RBM45: variants seen among roughly 807,000 people sequenced by gnomAD.
RBM45 encodes the protein RNA binding motif protein 45, also known as RNA-binding protein 45.
A neutral mutation model predicts 58.5 loss-of-function variants in RBM45; 39 were observed. The observed-to-expected ratio is 0.67, with a 90% CI of 0.52 to 0.87. The LOEUF (loss-of-function observed/expected upper bound fraction) is 0.87, where lower values mean the gene tolerates loss of function less well. RBM45 is among the 40% of genes least tolerant of loss of function. The probability of loss-of-function intolerance (pLI) is 0.00; values close to 1 mark genes in which losing one functional copy is unlikely to be tolerated. For missense variants in RBM45, 481 were observed against 581.6 expected, an observed-to-expected ratio of 0.83 and a Z score of 1.78; for synonymous variants, 193 against 203.0, an observed-to-expected ratio of 0.95 and a Z score of 0.42.
At position 178,120,071 on chromosome 2, in the gene RBM45, G is replaced by A. The variant is rs573642336; in HGVS notation, c.551-216G>A. Among the ~76,000 whole-genome samples, 4 of 152,288 alleles carry A rather than the reference G, an allele frequency of 2.6e-5. No individual in the cohort carries two copies. The East Asian group carries it at 5.8e-4, about 22-fold the overall frequency. Reference sequence around the variant, plus strand: ...TAGCATAGAATTGCTGATCTTTCATGTCTACATTGACCCGTAATTTGGGAT... The same window carrying A: ...TAGCATAGAATTGCTGATCTTTCATATCTACATTGACCCGTAATTTGGGAT... On this transcript the variant is annotated intron_variant, in intron 3 of 9. Coordinates refer to ENST00000286070, the MANE Select transcript of RBM45 (RefSeq NM_152945.4).
At chr2:178,128,805 T>A (rs1197110931) in intron 9 of RBM45, among the ~76,000 whole-genome samples, 2 of 152,214 alleles carry the variant, frequency 1.3e-5, no homozygotes, top group African/African-American at 4.8e-5. Flanking sequence ...TACAATGGAC[T>A]CCATTATGAG....
Position 178,123,592 on chromosome 2 carries a change from G to T in RBM45, c.924G>T (p.Gln308His), listed in dbSNP as rs146044729. ...CAAAATACAAATTACATGGATTTCA[G>T]TACCCTCCTGGGAACCGAATAGGTG... is the stretch of plus-strand genomic sequence containing the variant. The part of the protein sequence containing the change: ...IYAKYKLHGF[Q>H]YPPGNRIGVS... The change falls in exon 6 of 10, where the codon CAG (glutamine) becomes CAT (histidine). Residue 308 changes from glutamine to histidine, a missense_variant. Coordinates refer to ENST00000286070, the MANE Select transcript of RBM45 (RefSeq NM_152945.4). 6.2e-7 allele frequency: 1 copy of T among 1,609,790 alleles called. No individual in the cohort carries two copies. The highest frequency in any genetic ancestry group is 1.3e-5 in the African/African-American group (1 of 74,750).
intron 3 of RBM45, among the ~76,000 whole-genome samples, chr2:178,135,477 G>A (rs978644300): frequency 3.3e-5 from 5 of 152,182 alleles, no homozygotes; most frequent in Non-Finnish European, 5.9e-5. Flanking sequence ...GCAATAGGGA[G>A]TCTATACCAG....
intron 3 of RBM45, among the ~76,000 whole-genome samples, chr2:178,135,203 T>C (rs1232953917): frequency 6.6e-6 from 1 of 152,226 alleles, no homozygotes; most frequent in Non-Finnish European, 1.5e-5. Context: ...TTTAATCTGT[T>C]ACTTAAAGGA....
chr2:178,128,734 G>A (rs192832905), intron 9 of RBM45, among the ~76,000 whole-genome samples: 7 of 152,232 alleles, frequency 4.6e-5, no homozygotes, highest in Admixed American at 2.0e-4. Context: ...TTAGCTACAC[G>A]GTTTTGAATT....
At chr2:178,134,800 T>C (rs1381086040) in intron 3 of RBM45, among the ~76,000 whole-genome samples, 1 of 152,162 alleles carries the variant, frequency 6.6e-6, no homozygotes, top group Non-Finnish European at 1.5e-5. Context: ...GAGACCAGCC[T>C]GGCCAACCTG....
intron 9 of RBM45, among the ~76,000 whole-genome samples, chr2:178,126,819 T>C (rs571665481): frequency 3.3e-4 from 51 of 152,340 alleles, no homozygotes; most frequent in Admixed American, 1.2e-3. Context: ...TTTTGATACA[T>C]ACAGCCATAT....
intron 9 of RBM45, among the ~76,000 whole-genome samples, chr2:178,129,080 A>C (rs1286101976): frequency 6.6e-6 from 1 of 152,218 alleles, no homozygotes; most frequent in Non-Finnish European, 1.5e-5. Context: ...TATAACATTG[A>C]AAGTAGTTGA....
Position 178,112,643 on chromosome 2 carries a change from A to G in RBM45, c.97A>G (p.Ser33Gly). Residue 33 changes from serine (S) to glycine (G), a missense_variant, in exon 1 of 10, where the codon AGC becomes GGC. Ser to Gly is a moderately conservative substitution (Grantham distance 56). Coordinates refer to ENST00000286070, the MANE Select transcript of RBM45 (RefSeq NM_152945.4). ...PPNSRIFLVI[S>G]KYTPESVLRE... ...CAACAGCCGCATCTTCCTTGTGATCAGCAAGTACACACCTGAGTCGGTGCT... is the reference window on the plus strand; with the variant it reads ...CAACAGCCGCATCTTCCTTGTGATCGGCAAGTACACACCTGAGTCGGTGCT... The G allele has an allele frequency of 1.2e-6, 2 of 1,614,226 alleles. No individual in the cohort carries two copies. The highest frequency in any genetic ancestry group is 1.7e-6 in the Non-Finnish European group (2 of 1,180,032).
intron 5 of RBM45, among the ~76,000 whole-genome samples, chr2:178,122,257 G>A (rs540212743): frequency 6.6e-6 from 1 of 152,256 alleles, no homozygotes; most frequent in South Asian, 2.1e-4. Context: ...TTGTTAGTGA[G>A]GGGTGGTAGA....
intron 3 of RBM45, among the ~76,000 whole-genome samples, chr2:178,136,179 G>A (rs1332622148): frequency 1.3e-5 from 2 of 152,108 alleles, no homozygotes; most frequent in East Asian, 1.9e-4. Flanking sequence ...GTGTGGTGGC[G>A]GGCGCCTGTA....
At chr2:178,114,775 T>C (rs973755008) in intron 1 of RBM45, among the ~76,000 whole-genome samples, 2 of 152,042 alleles carry the variant, frequency 1.3e-5, no homozygotes, top group Non-Finnish European at 2.9e-5. Flanking sequence ...TTTTTTATTT[T>C]TCTTAGAGAC....
chr2:178,112,481 A>G lies in RBM45; in HGVS notation c.-66A>G. ...GAGCCGGCAAAGGCTTGGGTGTGAGACAGCAGCGGTGGCAGACACCGCAGA... is the reference window on the plus strand; with the variant it reads ...GAGCCGGCAAAGGCTTGGGTGTGAGGCAGCAGCGGTGGCAGACACCGCAGA... On this transcript the variant is annotated 5_prime_UTR_variant, in exon 1 of 10. Coordinates refer to ENST00000286070, the MANE Select transcript of RBM45 (RefSeq NM_152945.4). 2 of 1,444,984 alleles carry G rather than the reference A, an allele frequency of 1.4e-6. No individual in the cohort carries two copies. Among genetic ancestry groups the G allele is most frequent in the Non-Finnish European group, 1.9e-6 (2 of 1,048,014 alleles). 89.5% of individuals were successfully genotyped at this position (1,444,984 alleles called of 1,614,324 possible).
At chr2:178,116,128 C>CA in intron 1 of RBM45, 134 bp from the exon 2 acceptor site, 2 of 1,074,336 alleles carry the variant, frequency 1.9e-6, no homozygotes, top group Non-Finnish European at 1.3e-6. Context: ...CTGCAGCCTG[C>CA]TTTTTTTTTT....
rs2088031457 is a variant in RBM45 at position 178,134,732 on chromosome 2, C to A, written c.*9-1731C>A. On this transcript the variant is annotated intron_variant, in intron 3 of 3. Transcript: ENST00000455903. The stretch of plus-strand genomic sequence containing the variant: ...CTGGGCCGGGCGCAGTGGCTGACGC[C>A]TGTAATCTCAGCACTGTGGGAGGCT... Among the ~76,000 whole-genome samples, 3 of 152,232 alleles carry A rather than the reference C, an allele frequency of 2.0e-5. No individual in the cohort carries two copies. In the South Asian group the frequency reaches 6.2e-4, roughly 32 times the overall value.
At chr2:178,121,084 C>A in intron 4 of RBM45, 96 bp from the exon 5 acceptor site, 1 of 583,464 alleles carries the variant, frequency 1.7e-6, no homozygotes, top group Non-Finnish European at 3.0e-6. Context: ...TGCCTTTATT[C>A]AGTACAATGG....
intron 3 of RBM45, among the ~76,000 whole-genome samples, chr2:178,119,831 A>C (rs1360678447): frequency 1.3e-5 from 2 of 152,206 alleles, no homozygotes; most frequent in Non-Finnish European, 2.9e-5. Context: ...CAAAAAAAAC[A>C]GTTAAAGGGC....
Position 178,126,136 on chromosome 2 carries a change from C to T in RBM45, c.1385C>T (p.Ser462Leu), listed in dbSNP as rs755340226. The T allele has an allele frequency of 1.2e-5, 19 of 1,613,808 alleles. No homozygotes were observed. Among genetic ancestry groups the T allele is most frequent in the Non-Finnish European group, 1.4e-5 (17 of 1,179,916 alleles). The change falls in exon 9 of 10, where the codon TCG (serine) becomes TTG (leucine). Residue 462 changes from serine (S) to leucine (L), a missense_variant. Ser to Leu is a moderately radical substitution (Grantham distance 145). Coordinates refer to ENST00000286070, the MANE Select transcript of RBM45 (RefSeq NM_152945.4). Reference protein sequence around the residue: ...GVRLKVMLADSPREESNKRQR... With the variant: ...GVRLKVMLADLPREESNKRQR... ...AGACTTAAAGTTATGCTGGCAGATTCGCCAAGAGAAGAATCTAACAAACGG... is the reference window on the plus strand; with the variant it reads ...AGACTTAAAGTTATGCTGGCAGATTTGCCAAGAGAAGAATCTAACAAACGG...
At chr2:178,127,994 C>CT (rs3067447) in intron 9 of RBM45, among the ~76,000 whole-genome samples, 20,380 of 72,474 alleles carry the variant, frequency 0.28, 5,425 homozygotes, top group Middle Eastern at 0.32. Context: ...TCTCTACGCC[C>CT]TTTTTTTTTT....
Sources: allele counts gnomAD v4.1 joint callset (sites outside exome capture counted in the v4.1 genomes callset), GRCh38; gene constraint gnomAD v4.1.1; transcripts MANE v1.5; gene names NCBI Gene and HGNC (gene_info 2026-07-23, HGNC 2026-07-21).